SLIT3: variants seen among roughly 807,000 people sequenced by gnomAD.
SLIT3 encodes slit guidance ligand 3.
Under a neutral mutation model 184.0 loss-of-function variants are expected in SLIT3, and 68 were observed. That is an observed-to-expected ratio of 0.37 (90% confidence interval 0.30 to 0.45). The LOEUF is 0.45. Among genes scored for constraint, SLIT3 ranks in the 20% least tolerant of loss-of-function variants. The pLI is 1.00. For missense variants in SLIT3, 1,707 were observed against 2,026.0 expected, an observed-to-expected ratio of 0.84 and a Z score of 3.02; for synonymous variants, 831 against 828.6, an observed-to-expected ratio of 1.00 and a Z score of -0.05.
chr5:168,755,396 T>TCTTTCTTTCTTTCTTC, intron 16 of SLIT3, among the ~76,000 whole-genome samples: 1 of 14,514 alleles, frequency 6.9e-5, no homozygotes. Flanking sequence ...GCCATTTCTT[T>TCTTTCTTTCTTTCTTC]CTTTCTTTCT....
At chr5:168,962,924 C>T (rs553550438) in intron 4 of SLIT3, among the ~76,000 whole-genome samples, 2 of 152,224 alleles carry the variant, frequency 1.3e-5, no homozygotes, top group Non-Finnish European at 2.9e-5. Context: ...TTCACAGCAG[C>T]CGTTCCTTCC....
At chr5:168,702,472 C>T (rs1207948006) in intron 26 of SLIT3, among the ~76,000 whole-genome samples, 1 of 152,160 alleles carries the variant, frequency 6.6e-6, no homozygotes, top group Non-Finnish European at 1.5e-5. Flanking sequence ...TAGCCCCTCT[C>T]AAAACATGCG....
chr5:169,069,199 C>T (rs982299161), intron 4 of SLIT3, among the ~76,000 whole-genome samples: 1 of 152,226 alleles, frequency 6.6e-6, no homozygotes, highest in South Asian at 2.1e-4. Context: ...ATTAAGGGGG[C>T]ACACAACTCC....
intron 5 of SLIT3, among the ~76,000 whole-genome samples, chr5:168,851,707 G>A (rs920844506): frequency 6.6e-6 from 1 of 152,174 alleles, no homozygotes; most frequent in Non-Finnish European, 1.5e-5. Context: ...TGAAACTCCT[G>A]TGTTCGATCC....
At chr5:168,754,064 G>T (rs565701416) in intron 16 of SLIT3, 57 bp from the exon 17 acceptor site, 1 of 1,505,880 alleles carries the variant, frequency 6.6e-7, no homozygotes, top group Admixed American at 2.0e-5. Flanking sequence ...TCTTGATGCC[G>T]GGAGGGGATG....
At position 169,245,203 on chromosome 5, in the gene SLIT3, G is replaced by C. The variant is rs149821911; in HGVS notation, c.270-427C>G. On this transcript the variant is annotated intron_variant, in intron 2 of 35. Transcript: ENST00000519560. ...AGCTCACCCTAGTAGAAAGGGTGAGGCTATTGTGAAACGACTGGCTGTCGC... is the reference window on the plus strand; with the variant it reads ...AGCTCACCCTAGTAGAAAGGGTGAGCCTATTGTGAAACGACTGGCTGTCGC... Among the ~76,000 whole-genome samples, 311 of 152,198 alleles carry C rather than the reference G, an allele frequency of 2.0e-3. 1 individual carries two copies. Among genetic ancestry groups the C allele is most frequent in the Middle Eastern group, 0.01 (3 of 294 alleles).
intron 8 of SLIT3, among the ~76,000 whole-genome samples, chr5:168,815,047 T>C (rs921319077): frequency 6.6e-6 from 1 of 152,214 alleles, no homozygotes; most frequent in Non-Finnish European, 1.5e-5. Context: ...GGGTGGAGGT[T>C]AACAGCATAG....
chr5:169,004,912 A>T (rs1173369404), intron 4 of SLIT3, among the ~76,000 whole-genome samples: 2 of 152,136 alleles, frequency 1.3e-5, no homozygotes, highest in Non-Finnish European at 2.9e-5. Context: ...AGTCTCCAGA[A>T]CTGTGAAAAA....
At chr5:168,752,629 A>C (rs13162961) in intron 18 of SLIT3, 1 of 257,644 alleles carries the variant, frequency 3.9e-6, no homozygotes, top group East Asian at 9.2e-5. Context: ...TCCTCACCTC[A>C]GGTGATCCAC....
intron 4 of SLIT3, among the ~76,000 whole-genome samples, chr5:168,888,364 A>G (rs977513870): frequency 6.6e-6 from 1 of 152,238 alleles, no homozygotes; most frequent in Non-Finnish European, 1.5e-5. Flanking sequence ...CCAGCAACCC[A>G]AGGACAGATT....
intron 9 of SLIT3, among the ~76,000 whole-genome samples, chr5:168,795,854 T>G (rs1756547694): frequency 6.6e-6 from 1 of 152,040 alleles, no homozygotes; most frequent in South Asian, 2.1e-4. Flanking sequence ...ATAAACTGCT[T>G]TTGGCAGCAG....
chr5:168,875,639 A>G, intron 5 of SLIT3, among the ~76,000 whole-genome samples: 1 of 151,854 alleles, frequency 6.6e-6, no homozygotes, highest in South Asian at 2.1e-4. Context: ...CGCCTTAAAA[A>G]AAGAAGAAGA....
intron 1 of SLIT3, among the ~76,000 whole-genome samples, chr5:169,276,044 G>A (rs1245741508): frequency 1.2e-4 from 18 of 152,120 alleles, no homozygotes; most frequent in South Asian, 2.1e-4. Flanking sequence ...GGGGAGTGAC[G>A]CGAAGTCTTG....
intron 32 of SLIT3, among the ~76,000 whole-genome samples, chr5:168,674,075 T>C (rs1761335440): frequency 6.6e-6 from 1 of 152,218 alleles, no homozygotes; most frequent in African/African-American, 2.4e-5. Context: ...AAACAAACTC[T>C]CTCACAGTTA....
At chr5:169,213,753 T>A (rs1333474107) in intron 3 of SLIT3, among the ~76,000 whole-genome samples, 1 of 152,194 alleles carries the variant, frequency 6.6e-6, no homozygotes, top group Non-Finnish European at 1.5e-5. Flanking sequence ...GGGTAAAAAC[T>A]TTTTTCTCTT....
chr5:168,683,934 C>A, intron 32 of SLIT3, 32 bp downstream of exon 32: 1 of 1,454,530 alleles, frequency 6.9e-7, no homozygotes, highest in East Asian at 2.6e-5. Context: ...CGGAGGAACA[C>A]ACAGTGGGTC....
intron 4 of SLIT3, among the ~76,000 whole-genome samples, chr5:168,946,649 C>T (rs1217732553): frequency 1.3e-5 from 2 of 152,220 alleles, no homozygotes; most frequent in African/African-American, 4.8e-5. Context: ...CCTGAATCAT[C>T]AGAGGACAGG....
chr5:169,122,489 C>G (rs1019674206), intron 4 of SLIT3, among the ~76,000 whole-genome samples: 5 of 152,146 alleles, frequency 3.3e-5, no homozygotes, highest in Admixed American at 6.5e-5. Flanking sequence ...CCCTGGGAGC[C>G]ATTTGGTTCC....
chr5:168,773,392 A>G (rs1368087691), intron 13 of SLIT3, among the ~76,000 whole-genome samples: 1 of 152,090 alleles, frequency 6.6e-6, no homozygotes, highest in African/African-American at 2.4e-5. Context: ...TATTGTTGTA[A>G]TTATCCTTAT....
Sources: allele counts gnomAD v4.1 joint callset (sites outside exome capture counted in the v4.1 genomes callset), GRCh38; gene constraint gnomAD v4.1.1; transcripts MANE v1.5; gene names NCBI Gene and HGNC (gene_info 2026-07-23, HGNC 2026-07-21).